PRKN: variants seen among roughly 807,000 people sequenced by gnomAD.
PRKN encodes parkin RBR E3 ubiquitin protein ligase, also known as E3 ubiquitin-protein ligase parkin.
A neutral mutation model predicts 59.5 loss-of-function variants in PRKN; 56 were observed. The ratio of observed to expected loss-of-function variants is 0.94; its 90% CI spans 0.76 to 1.18. The LOEUF is 1.18. Ranked by LOEUF, PRKN falls within the 50% of genes most tolerant of loss-of-function variation. The pLI, the probability that PRKN is intolerant of heterozygous loss-of-function variation, is 0.00. For missense variants in PRKN, 657 were observed against 596.4 expected, an observed-to-expected ratio of 1.10 and a Z score of -1.06; for synonymous variants, 250 against 222.1, an observed-to-expected ratio of 1.13 and a Z score of -1.12.
At chr6:161,646,791 T>C (rs904198705) in intron 7 of PRKN, among the ~76,000 whole-genome samples, 7 of 152,106 alleles carry the variant, frequency 4.6e-5, no homozygotes, top group Admixed American at 1.3e-4. Context: ...CCAAACAGGA[T>C]TGGGATCTTG....
At chr6:162,509,096 ATTG>A (rs1165632482) in intron 1 of PRKN, among the ~76,000 whole-genome samples, 1 of 152,188 alleles carries the variant, frequency 6.6e-6, no homozygotes. Context: ...TGCAGATATC[ATTG>A]TTGTGGCCAA....
intron 7 of PRKN, among the ~76,000 whole-genome samples, chr6:161,655,536 C>G (rs1264660724): frequency 2.0e-5 from 3 of 152,220 alleles, no homozygotes; most frequent in Non-Finnish European, 4.4e-5. Context: ...AAGAAGAGAA[C>G]AGGGAAGAGA....
At chr6:161,769,036 G>A (rs1216477183) in intron 7 of PRKN, among the ~76,000 whole-genome samples, 3 of 152,094 alleles carry the variant, frequency 2.0e-5, no homozygotes, top group African/African-American at 7.2e-5. Flanking sequence ...CAAGTTATTT[G>A]TTTTCACAAG....
At chr6:161,688,794 G>A (rs1785662183) in intron 7 of PRKN, among the ~76,000 whole-genome samples, 1 of 152,174 alleles carries the variant, frequency 6.6e-6, no homozygotes, top group African/African-American at 2.4e-5. Context: ...TCTTTGTCTG[G>A]TGCACCTTGT....
intron 2 of PRKN, among the ~76,000 whole-genome samples, chr6:162,350,293 C>A (rs1339932050): frequency 6.6e-6 from 1 of 152,122 alleles, no homozygotes; most frequent in Non-Finnish European, 1.5e-5. Flanking sequence ...TCTATAGATT[C>A]ATTGCAATCC....
chr6:162,486,080 C>T (rs969237738), intron 1 of PRKN, among the ~76,000 whole-genome samples: 8 of 152,062 alleles, frequency 5.3e-5, no homozygotes, highest in Admixed American at 3.3e-4. Context: ...ATTTTTGAAA[C>T]GTGCATACAC....
chr6:162,585,985 A>T (rs1249191474), intron 1 of PRKN, among the ~76,000 whole-genome samples: 1 of 152,160 alleles, frequency 6.6e-6, no homozygotes, highest in Non-Finnish European at 1.5e-5. Flanking sequence ...GATTACAGGC[A>T]TGAGCCACCA....
chr6:161,723,268 C>G (rs78886534), intron 7 of PRKN, among the ~76,000 whole-genome samples: 1 of 126,894 alleles, frequency 7.9e-6, no homozygotes, highest in Non-Finnish European at 1.7e-5. Flanking sequence ...GACTCCCTCT[C>G]AAAAAAAAAA....
intron 6 of PRKN, among the ~76,000 whole-genome samples, chr6:161,834,512 C>G (rs1318356533): frequency 6.6e-6 from 1 of 152,188 alleles, no homozygotes; most frequent in Non-Finnish European, 1.5e-5. Context: ...TGGTAATAAA[C>G]TGATGCTCCG....
At position 161,448,574 on chromosome 6, in the gene PRKN, C is replaced by T. The variant is rs1789595484; in HGVS notation, c.1084-61697G>A. On this transcript the variant is annotated intron_variant, in intron 9 of 11. Transcript: ENST00000366898. This position sits in a 1 kb window ranked among gnomAD's most constrained non-coding sequence, Gnocchi z 5.1. ...CTTCCGTCTTTCTTCTCTTCTTTCT[C>T]TTTCTCTGTCCCCCGAGGTAGCATC... is the stretch of plus-strand genomic sequence containing the variant. 1.3e-5 allele frequency among the ~76,000 whole-genome samples: 2 copies of T among 152,204 alleles called. No homozygotes were observed. The highest frequency in any genetic ancestry group is 4.1e-4 in the South Asian group (2 of 4,834).
chr6:162,292,604 G>A (rs998610096), intron 2 of PRKN, among the ~76,000 whole-genome samples: 3 of 152,102 alleles, frequency 2.0e-5, no homozygotes, highest in East Asian at 1.9e-4. Context: ...GGGAAGAGCC[G>A]AGGATGACCT....
At chr6:162,419,009 A>C (rs1233077661) in intron 2 of PRKN, among the ~76,000 whole-genome samples, 2 of 151,962 alleles carry the variant, frequency 1.3e-5, no homozygotes, top group Admixed American at 1.3e-4. Context: ...AGGCAAGGCA[A>C]AGAACCAGAG....
intron 7 of PRKN, among the ~76,000 whole-genome samples, chr6:161,713,298 C>T (rs772632877): frequency 2.8e-4 from 43 of 152,132 alleles, no homozygotes; most frequent in Non-Finnish European, 4.9e-4. Flanking sequence ...ACCCCAGAAG[C>T]TCATCAAATC....
chr6:162,327,007 C>T (rs1452665435), intron 2 of PRKN, among the ~76,000 whole-genome samples: 2 of 152,108 alleles, frequency 1.3e-5, no homozygotes, highest in African/African-American at 2.4e-5. Context: ...CTTTTCAATA[C>T]TATTTATCTG....
At chr6:162,389,072 G>A (rs1787026810) in intron 2 of PRKN, among the ~76,000 whole-genome samples, 1 of 150,424 alleles carries the variant, frequency 6.6e-6, no homozygotes, top group Non-Finnish European at 1.5e-5. Context: ...TAAATGAGGA[G>A]AAAGTAAGGT....
chr6:162,029,458 G>A (rs1166995305), intron 5 of PRKN, among the ~76,000 whole-genome samples: 1 of 152,136 alleles, frequency 6.6e-6, no homozygotes, highest in Admixed American at 6.5e-5. Flanking sequence ...TTTCCCACAG[G>A]AGGTAATGTG....
chr6:162,470,237 G>A (rs1391869896), intron 1 of PRKN, among the ~76,000 whole-genome samples: 1 of 152,140 alleles, frequency 6.6e-6, no homozygotes, highest in East Asian at 1.9e-4. Context: ...ATGATATAAT[G>A]AAAAGGGAAC....
At chr6:162,082,008 C>A (rs1424277623) in intron 4 of PRKN, among the ~76,000 whole-genome samples, 1 of 152,144 alleles carries the variant, frequency 6.6e-6, no homozygotes, top group Non-Finnish European at 1.5e-5. Flanking sequence ...TGTGCAGCTT[C>A]CTCACCTCTC....
At chr6:161,789,359 G>A (rs570631146) in intron 6 of PRKN, among the ~76,000 whole-genome samples, 3 of 152,172 alleles carry the variant, frequency 2.0e-5, no homozygotes, top group South Asian at 4.1e-4. Flanking sequence ...AAAATAAACT[G>A]CCCCTCCCCT....
Sources: allele counts gnomAD v4.1 joint callset (sites outside exome capture counted in the v4.1 genomes callset), GRCh38; gene constraint gnomAD v4.1.1; non-coding constraint Gnocchi (gnomAD v3.1); transcripts MANE v1.5; gene names NCBI Gene and HGNC (gene_info 2026-07-23, HGNC 2026-07-21).